SP140: variants seen among roughly 807,000 people sequenced by gnomAD.
SP140 encodes the protein nuclear body protein SP140.
In SP140, 81 loss-of-function variants were observed where a neutral mutation model predicts 125.0. The observed-to-expected ratio is 0.65, with a 90% CI of 0.54 to 0.78. SP140 has a LOEUF of 0.78. SP140 is among the 30% of genes least tolerant of loss of function. SP140 has a pLI of 0.00. For synonymous variants in SP140, 312 were observed against 354.0 expected (o/e 0.88, Z 1.33); for missense variants, 858 against 1,037.0 (o/e 0.83, Z 2.37).
At chr2:230,197,934 G>A in the SP140 span, among the ~76,000 whole-genome samples, 5 of 152,174 alleles carry the variant, frequency 3.3e-5, no homozygotes, top group African/African-American at 1.2e-4. Context: ...TTACAGGTGT[G>A]AGCTACCATG....
At chr2:230,232,768 T>C (rs1476311703) in intron 1 of SP140, among the ~76,000 whole-genome samples, 4 of 152,236 alleles carry the variant, frequency 2.6e-5, no homozygotes, top group African/African-American at 7.2e-5. Flanking sequence ...TTTTAAAACT[T>C]ACATTTTGTG....
At chr2:230,201,043 G>T, upstream of SP140, 2 of 1,121,112 alleles carry the variant, frequency 1.8e-6, no homozygotes, top group Non-Finnish European at 2.7e-6. Context: ...GAAGGCCCTT[G>T]CACACTCTGA....
chr2:230,255,349 C>G (rs1185423299), intron 11 of SP140, 103 bp from the exon 12 acceptor site: 1 of 1,373,064 alleles, frequency 7.3e-7, no homozygotes, highest in Non-Finnish European at 1.0e-6. Flanking sequence ...ACAGCCCTAC[C>G]TGAGAGATAC....
At chr2:230,304,870 A>G (rs1046160485) in intron 22 of SP140, among the ~76,000 whole-genome samples, 2 of 152,254 alleles carry the variant, frequency 1.3e-5, no homozygotes, top group Non-Finnish European at 2.9e-5. Flanking sequence ...AGGACCAAAA[A>G]CGCAAAAGCA....
intron 21 of SP140, 143 bp from the exon 22 acceptor site, chr2:230,297,278 G>T: frequency 2.2e-6 from 2 of 914,756 alleles, no homozygotes; most frequent in Non-Finnish European, 3.3e-6. Flanking sequence ...AGCCACCCCA[G>T]CCTACTGGCC....
At chr2:230,200,513 T>G, upstream of SP140, 1 of 215,312 alleles carries the variant, frequency 4.6e-6, no homozygotes, top group Non-Finnish European at 9.4e-6. Context: ...GCTTGATCCA[T>G]GGGTTGGATC....
At chr2:230,290,742 T>C (rs1351222280) in intron 19 of SP140, among the ~76,000 whole-genome samples, 178 bp downstream of exon 19, 2 of 152,206 alleles carry the variant, frequency 1.3e-5, no homozygotes, top group East Asian at 3.8e-4. Context: ...AACCACCAGA[T>C]GCTCACTTGC....
At chr2:230,253,564 C>T (rs2050706402) in intron 11 of SP140, 147 bp downstream of exon 11, 3 of 655,540 alleles carry the variant, frequency 4.6e-6, no homozygotes, top group South Asian at 1.9e-5. Flanking sequence ...TTCTGTTGGG[C>T]TTTTTTTGTA....
chr2:230,224,935 G>A (rs1196843254), upstream of SP140, among the ~76,000 whole-genome samples: 2 of 152,152 alleles, frequency 1.3e-5, no homozygotes, highest in African/African-American at 2.4e-5. Context: ...TCGACTTTAT[G>A]CTGATATAGT....
Position 230,248,034 on chromosome 2 carries a change from G to C in SP140, c.861G>C (p.Lys287Asn). ...GAAAAAGAAACCAAGACAAGGAGAA[G>C]TACCAAGAGAGTCCAGAGGGAAGAG... The part of the protein sequence containing the change: ...SPRKRNQDKE[K>N]YQESPEGRDK... Residue 287 changes from lysine (K) to asparagine (N), a missense_variant, in exon 8 of 27, where the codon AAG becomes AAC. Physicochemically the swap from Lys to Asn is moderately conservative, Grantham distance 94. Coordinates refer to ENST00000392045, the MANE Select transcript of SP140 (RefSeq NM_007237.5). 1 of 1,613,734 alleles carries C rather than the reference G, an allele frequency of 6.2e-7. No individual in the cohort carries two copies. The highest frequency in any genetic ancestry group is 2.2e-5 in the East Asian group (1 of 44,856).
intron 19 of SP140, 47 bp from the exon 20 acceptor site, chr2:230,292,599 C>A: frequency 6.2e-7 from 1 of 1,611,728 alleles, no homozygotes; most frequent in Non-Finnish European, 8.5e-7. Flanking sequence ...ATAGTCTGTG[C>A]GCTGGGAAAA....
intron 10 of SP140, among the ~76,000 whole-genome samples, chr2:230,252,386 A>G (rs1401967363): frequency 2.0e-5 from 3 of 152,066 alleles, no homozygotes; most frequent in Non-Finnish European, 4.4e-5. Flanking sequence ...CTTAATAGGC[A>G]TAGAGTGGGG....
intron 17 of SP140, among the ~76,000 whole-genome samples, chr2:230,287,386 T>C (rs1041501299): frequency 6.6e-6 from 1 of 152,222 alleles, no homozygotes; most frequent in Admixed American, 6.5e-5. Context: ...CACAGAACTG[T>C]CATTTATTTG....
At chr2:230,265,418 G>A (rs971967862) in intron 12 of SP140, among the ~76,000 whole-genome samples, 3 of 152,196 alleles carry the variant, frequency 2.0e-5, no homozygotes, top group African/African-American at 7.2e-5. Flanking sequence ...TTCCCCACCT[G>A]TGGAGTCTGC....
At chr2:230,250,000 C>T (rs932798239) in intron 9 of SP140, among the ~76,000 whole-genome samples, 2 of 152,258 alleles carry the variant, frequency 1.3e-5, no homozygotes, top group Admixed American at 6.5e-5. Flanking sequence ...GCTCTTCCAT[C>T]CATGTGCCTG....
intron 15 of SP140, among the ~76,000 whole-genome samples, chr2:230,281,890 T>A (rs1009075816): frequency 6.6e-6 from 1 of 152,222 alleles, no homozygotes; most frequent in Admixed American, 6.5e-5. Context: ...TCCTGTTTTT[T>A]CGTATCTCCT....
intron 3 of SP140, chr2:230,220,070 A>G (rs1574819296): frequency 1.0e-6 from 1 of 985,564 alleles, no homozygotes; most frequent in Non-Finnish European, 1.2e-6. Context: ...AGCTGAAGGC[A>G]GGTCGGTGCC....
intron 1 of SP140, among the ~76,000 whole-genome samples, chr2:230,207,064 G>A (rs2043944023): frequency 6.6e-6 from 1 of 152,158 alleles, no homozygotes; most frequent in African/African-American, 2.4e-5. Flanking sequence ...CTGGCCTTTG[G>A]AAAGATGCAT....
intron 21 of SP140, among the ~76,000 whole-genome samples, chr2:230,296,204 G>C (rs2057712048): frequency 6.6e-6 from 1 of 152,168 alleles, no homozygotes; most frequent in Non-Finnish European, 1.5e-5. Context: ...TTTCATCATA[G>C]CACTCCAGCC....
Sources: allele counts gnomAD v4.1 joint callset (sites outside exome capture counted in the v4.1 genomes callset), GRCh38; gene constraint gnomAD v4.1.1; transcripts MANE v1.5; gene names NCBI Gene and HGNC (gene_info 2026-07-23, HGNC 2026-07-21).